GGT5: variants seen among roughly 807,000 people sequenced by gnomAD.
The protein encoded by GGT5 is glutathione hydrolase 5 proenzyme.
Under a neutral mutation model 58.1 loss-of-function variants are expected in GGT5, and 50 were observed. The ratio of observed to expected loss-of-function variants is 0.86; its 90% CI spans 0.69 to 1.09. The LOEUF is 1.09. Among genes scored for constraint, GGT5 ranks in the 50% least tolerant of loss-of-function variants. The probability of loss-of-function intolerance (pLI) is 0.00; values close to 1 mark genes in which losing one functional copy is unlikely to be tolerated. For synonymous variants in GGT5, 370 were observed against 346.1 expected (o/e 1.07, Z -0.77); for missense variants, 800 against 789.4 (o/e 1.01, Z -0.16).
At chr22:24,237,344 A>G (rs2048128169) in intron 1 of GGT5, among the ~76,000 whole-genome samples, 1 of 152,080 alleles carries the variant, frequency 6.6e-6, no homozygotes. Context: ...AAATCATCTC[A>G]GTCACTCAAA....
chr22:24,240,003 T>C (rs2048285965), intron 1 of GGT5, among the ~76,000 whole-genome samples: 1 of 152,110 alleles, frequency 6.6e-6, no homozygotes, highest in Admixed American at 6.5e-5. Flanking sequence ...GGAGAATTGC[T>C]TGAACCCAAG....
chr22:24,224,947 T>C (rs778547176), intron 11 of GGT5, 49 bp downstream of exon 11: 19 of 1,251,360 alleles, frequency 1.5e-5, no homozygotes, highest in Middle Eastern at 2.1e-4. Flanking sequence ...CAGCACGGAT[T>C]TGGGGAGTGG....
chr22:24,231,694 G>A (rs2047946898), intron 5 of GGT5, among the ~76,000 whole-genome samples, 164 bp from the exon 6 acceptor site: 1 of 152,184 alleles, frequency 6.6e-6, no homozygotes. Context: ...GGCCCCTTGG[G>A]GCCAGGCGTG....
intron 6 of GGT5, among the ~76,000 whole-genome samples, chr22:24,228,666 G>T (rs1316311382): frequency 6.6e-6 from 1 of 151,974 alleles, no homozygotes; most frequent in Non-Finnish European, 1.5e-5. Context: ...TAGGCAGGAT[G>T]GTCTCGATCT....
At chr22:24,241,155 C>T (rs2048315643) in intron 1 of GGT5, 2 of 51,708 alleles carry the variant, frequency 3.9e-5, no homozygotes, top group African/African-American at 7.3e-5. Context: ...AAAACTCCAT[C>T]TCAAAAAAAA....
chr22:24,229,662 T>C (rs1027967942), intron 6 of GGT5, among the ~76,000 whole-genome samples: 32 of 151,194 alleles, frequency 2.1e-4, no homozygotes, highest in African/African-American at 7.3e-4. Context: ...TGAAACCCCA[T>C]CTCTACTAAA....
chr22:24,226,153 G>T lies in GGT5; in HGVS notation c.1152C>A (p.His384Gln), dbSNP rs768187287. 3 of 1,611,026 alleles carry T rather than the reference G, an allele frequency of 1.9e-6. No individual in the cohort carries two copies. The highest frequency in any genetic ancestry group is 2.5e-6 in the Non-Finnish European group (3 of 1,179,766). Residue 384 changes from histidine to glutamine, a missense_variant, in exon 8 of 12, where the codon CAC (histidine) becomes CAA (glutamine). His to Gln is a conservative substitution (Grantham distance 24). Coordinates refer to ENST00000327365, the MANE Select transcript of GGT5 (RefSeq NM_004121.5). Reference sequence around the variant, plus strand: ...CAGACACATGGGACGTGCCTGTCCCGTGGCCCCAGGCCTCGGCCAAGCTGT... The same window carrying T: ...CAGACACATGGGACGTGCCTGTCCCTTGGCCCCAGGCCTCGGCCAAGCTGT... ...SHYSLAEAWG[H>Q]GTGTSHVSVL...
rs2048365926 is a variant in GGT5 at position 24,242,971 on chromosome 22, G to A, written c.173+1582C>T. ...CTCTCTCTTCAAGGGACAGTTTGAG[G>A]GGATGCCAGCAGAGGGAGCTTTAGA... On this transcript the variant is annotated intron_variant, in intron 1 of 11. Coordinates refer to ENST00000327365, the MANE Select transcript of GGT5 (RefSeq NM_004121.5). The A allele has an allele frequency of 1.3e-5, 2 of 152,342 alleles. 1 individual carries two copies. The highest frequency in any genetic ancestry group is 4.1e-4 in the South Asian group (2 of 4,834). The allele number at this position is 152,342 out of a possible 1,614,324, so 9.4% of individuals were successfully genotyped here.
chr22:24,228,079 A>C (rs1229822271), intron 6 of GGT5, among the ~76,000 whole-genome samples: 4 of 148,062 alleles, frequency 2.7e-5, no homozygotes, highest in Admixed American at 2.0e-4. Context: ...AAACAAAAAA[A>C]AAAAAACTCT....
At chr22:24,226,967 T>A (rs2047787816) in intron 6 of GGT5, among the ~76,000 whole-genome samples, 200 bp from the exon 7 acceptor site, 2 of 135,184 alleles carry the variant, frequency 1.5e-5, no homozygotes, top group Non-Finnish European at 3.2e-5. Context: ...TTTTTTTTTT[T>A]AGACAGAGTC....
In GGT5 at chr22:24,226,748, C is replaced by T. The variant is rs779985994; in HGVS notation, c.921G>A (p.Glu307=). Residue 307 remains glutamate (E), a synonymous_variant, in exon 7 of 12, where the codon GAG becomes GAA. Coordinates refer to ENST00000327365, the MANE Select transcript of GGT5 (RefSeq NM_004121.5). ...CCCTCCCTTCAGGCCTGGCCATAGA[C>T]TCTGTTGAGAAGTTGAACCCTGGAG... is the stretch of plus-strand genomic sequence containing the variant. ...NVLRGFNFST[E]SMARPEGRVN... is the part of the protein sequence containing the mutation. The T allele has an allele frequency of 3.1e-6, 5 of 1,614,086 alleles. No individual in the cohort carries two copies. In the South Asian group the frequency reaches 3.3e-5, roughly 11 times the overall value.
At chr22:24,227,170 G>A (rs193225313) in intron 6 of GGT5, among the ~76,000 whole-genome samples, 293 of 149,448 alleles carry the variant, frequency 2.0e-3, no homozygotes, top group African/African-American at 6.7e-3. Context: ...GGCTGGTATT[G>A]AACTCCTGGC....
At position 24,244,710 on chromosome 22, in the gene GGT5, C is replaced by G. The variant is rs762372922; in HGVS notation, c.16G>C (p.Gly6Arg). Residue 6 changes from glycine to arginine, a missense_variant, in exon 1 of 12, where the codon GGG (glycine) becomes CGG (arginine). Gly to Arg is a moderately radical substitution (Grantham distance 125, BLOSUM62 -2). Coordinates refer to ENST00000327365, the MANE Select transcript of GGT5 (RefSeq NM_004121.5). ...AGCAGGACTAGGCTGACCGTGGCCCCGTAGCCCCGGGCCATGGCTCTGCAG... is the reference window on the plus strand; with the variant it reads ...AGCAGGACTAGGCTGACCGTGGCCCGGTAGCCCCGGGCCATGGCTCTGCAG... MARGY[G>R]ATVSLVLLGL... 6.8e-6 allele frequency: 11 copies of G among 1,610,834 alleles called. No individual in the cohort carries two copies. Among genetic ancestry groups the G allele is most frequent in the African/African-American group, 2.7e-5 (2 of 74,876 alleles).
chr22:24,238,941 TATATATATATATATATA>T (rs1461543728), intron 1 of GGT5, among the ~76,000 whole-genome samples: 468 of 28,678 alleles, frequency 0.016, 79 homozygotes, highest in Middle Eastern at 0.024. Context: ...TATTATATAA[TATATATATATATATATA>T]ATATATATAT....
chr22:24,224,892 G>T, intron 11 of GGT5, 104 bp downstream of exon 11: 1 of 742,938 alleles, frequency 1.3e-6, no homozygotes. Context: ...AAGTGTACCT[G>T]GCCTAAGAAT....
At chr22:24,238,785 TA>T (rs1376820202) in intron 1 of GGT5, among the ~76,000 whole-genome samples, 9 of 20,136 alleles carry the variant, frequency 4.5e-4, no homozygotes, top group African/African-American at 1.8e-3. Context: ...ATATAATATA[TA>T]TTATATATTT....
Position 24,220,124 on chromosome 22 carries a change from G to A in GGT5, c.1615-8C>T, listed in dbSNP as rs1433713260. On this transcript the variant is annotated splice_polypyrimidine_tract_variant and splice_region_variant and intron_variant, in intron 11 of 11. Transcript: ENST00000327365. ...GAGTCCCCTCTGCACCTCCTGGAGAGGAGAGAAAGCAGGTTCACAGGGGAG... is the reference window on the plus strand; with the variant it reads ...GAGTCCCCTCTGCACCTCCTGGAGAAGAGAGAAAGCAGGTTCACAGGGGAG... 1.9e-6 allele frequency: 3 copies of A among 1,613,764 alleles called. No individual in the cohort carries two copies. The highest frequency in any genetic ancestry group is 2.5e-6 in the Non-Finnish European group (3 of 1,179,798).
At position 24,244,953 on chromosome 22, in the gene GGT5, G is replaced by T; in HGVS notation, c.-228C>A. ...CAGATAGACAATGGGACAGAGATGG[G>T]CTTACAGATGGGCGGACAGACAGAC... is the stretch of plus-strand genomic sequence containing the variant. On this transcript the variant is annotated 5_prime_UTR_variant, in exon 1 of 12. Coordinates refer to ENST00000327365, the MANE Select transcript of GGT5 (RefSeq NM_004121.5). 1.4e-6 allele frequency: 1 copy of T among 692,282 alleles called. No homozygotes were observed. 42.9% of individuals were successfully genotyped at this position (692,282 alleles called of 1,614,324 possible). A position where few individuals can be genotyped will look rare whatever the true frequency, so the allele number is the denominator to read the frequency against.
At position 24,244,979 on chromosome 22, in the gene GGT5, A is replaced by G. The variant is rs1052914049; in HGVS notation, c.-254T>C. ...CTTACAGATGGGCGGACAGACAGACAGGTCTGAACAGCGGGCTGCCAGATG... is the reference window on the plus strand; with the variant it reads ...CTTACAGATGGGCGGACAGACAGACGGGTCTGAACAGCGGGCTGCCAGATG... On this transcript the variant is annotated 5_prime_UTR_variant, in exon 1 of 12. Transcript: ENST00000327365. 117 of 559,728 alleles carry G rather than the reference A, an allele frequency of 2.1e-4. 1 individual carries two copies. Among genetic ancestry groups the G allele is most frequent in the Middle Eastern group, 4.9e-4 (1 of 2,036 alleles). 34.7% of individuals were successfully genotyped at this position (559,728 alleles called of 1,614,324 possible).
Sources: gnomAD v4.1 joint callset for allele counts (sites outside exome capture counted in the v4.1 genomes callset) on GRCh38, gnomAD v4.1.1 for gene constraint, MANE v1.5 for transcripts, NCBI Gene and HGNC (gene_info 2026-07-23, HGNC 2026-07-21) for gene names.